CLPX: variants seen among roughly 807,000 people sequenced by gnomAD.
CLPX encodes the protein ATP-dependent clpX-like chaperone, mitochondrial.
Under a neutral mutation model 76.4 loss-of-function variants are expected in CLPX, and 34 were observed. The observed-to-expected ratio is 0.45, with a 90% CI of 0.34 to 0.59. The LOEUF (loss-of-function observed/expected upper bound fraction) is 0.59. Ranked by LOEUF, CLPX falls within the 20% of genes least tolerant of loss-of-function variation. The pLI is 0.01. For missense variants in CLPX, 613 were observed against 757.0 expected (o/e 0.81, Z 2.23); for synonymous variants, 248 against 270.9 (o/e 0.92, Z 0.83).
intron 9 of CLPX, chr15:65,156,581 C>T: frequency 2.5e-6 from 1 of 400,972 alleles, no homozygotes; most frequent in Non-Finnish European, 4.5e-6. Flanking sequence ...TTAACTGGGC[C>T]TTTGAGGAAT....
At position 65,180,170 on chromosome 15, in the gene CLPX, T is replaced by G; in HGVS notation, c.114A>C (p.Leu38Phe). 1 of 1,604,974 alleles carries G rather than the reference T, an allele frequency of 6.2e-7. No homozygotes were observed. The change falls in exon 2 of 14, where the codon TTA (leucine) becomes TTC (phenylalanine). Residue 38 changes from leucine to phenylalanine, a missense_variant. Leu to Phe is a conservative substitution (Grantham distance 22, BLOSUM62 0). Transcript: ENST00000300107. ...ISGGRIHMSV[L>F]GRLGTFETQI... ...GAGTTTCAAATGTCCCAAGCCTTCCTAAAACTGACATATGAATGCGACCAC... is the reference window on the plus strand; with the variant it reads ...GAGTTTCAAATGTCCCAAGCCTTCCGAAAACTGACATATGAATGCGACCAC...
Position 65,151,455 on chromosome 15 carries a change from A to AG in CLPX, c.1812-543dup, listed in dbSNP as rs1398382053. ...TTTCCCTGACAAATTTATTACTGGGAGAAAAAAAAAAAAAAAAAAAAAAAA... is the reference window on the plus strand; with the variant it reads ...TTTCCCTGACAAATTTATTACTGGGAGGAAAAAAAAAAAAAAAAAAAAAAAA... On this transcript the variant is annotated intron_variant, in intron 13 of 13. Coordinates refer to ENST00000300107, the MANE Select transcript of CLPX (RefSeq NM_006660.5). Among the ~76,000 whole-genome samples, 15 of 94,030 alleles carry AG rather than the reference A, an allele frequency of 1.6e-4. No individual in the cohort carries two copies. The South Asian group carries it at 6.8e-3, about 42-fold the overall frequency. 61.7% of individuals were successfully genotyped at this position (94,030 alleles called of 152,430 possible).
chr15:65,164,195 A>C lies in CLPX; in HGVS notation c.514-7T>G. The C allele has an allele frequency of 6.2e-7, 1 of 1,602,800 alleles. No homozygotes were observed. Among genetic ancestry groups the C allele is most frequent in the Non-Finnish European group, 8.5e-7 (1 of 1,172,978 alleles). On this transcript the variant is annotated splice_region_variant and splice_polypyrimidine_tract_variant and intron_variant, in intron 4 of 13. Coordinates refer to ENST00000300107, the MANE Select transcript of CLPX (RefSeq NM_006660.5). ...TGTCGAGGTAGTTATAAATCTGAAA[A>C]ATGATTAGGTATGAATAATTTAATA...
Position 65,149,636 on chromosome 15 carries a change from C to A in CLPX, c.*1187G>T. The stretch of plus-strand genomic sequence containing the variant: ...CAGCACTTTGGGAGGCTGAGGCCAG[C>A]AGATCACAAGGTCAGGAGTTACAGA... On this transcript the variant is annotated 3_prime_UTR_variant, in exon 14 of 14. Transcript: ENST00000300107. The A allele has an allele frequency of 2.3e-6, 1 of 430,552 alleles. No homozygotes were observed. Among genetic ancestry groups the A allele is most frequent in the Non-Finnish European group, 4.6e-6 (1 of 218,060 alleles). The allele number at this position is 430,552 out of a possible 1,614,324, so 26.7% of individuals were successfully genotyped here. A position where few individuals can be genotyped will look rare whatever the true frequency, so the allele number is the denominator to read the frequency against.
chr15:65,180,054 T>A lies in CLPX; in HGVS notation c.230A>T (p.Asp77Val), dbSNP rs760714024. ...KDGISKDGSG[D>V]GNKKSASEGS... ...AGATAAAATAATTACCTTATTTCCA[T>A]CTCCAGAACCATCTTTACTTATCCC... The change falls in exon 2 of 14, where the codon GAT becomes GTT. Residue 77 changes from aspartate (D) to valine (V), a missense_variant. Coordinates refer to ENST00000300107, the MANE Select transcript of CLPX (RefSeq NM_006660.5). 6.3e-7 allele frequency: 1 copy of A among 1,599,740 alleles called. No homozygotes were observed. Among genetic ancestry groups the A allele is most frequent in the Non-Finnish European group, 8.5e-7 (1 of 1,173,158 alleles).
At chr15:65,156,817 G>A (rs371881679) in intron 9 of CLPX, 27 bp downstream of exon 9, 1 of 1,479,924 alleles carries the variant, frequency 6.8e-7, no homozygotes, top group African/African-American at 1.4e-5. Flanking sequence ...CTTTTAGTGG[G>A]CTTGAACAAA....
At chr15:65,155,904 T>C (rs961595013) in intron 9 of CLPX, 48 bp from the exon 10 acceptor site, 4 of 1,463,758 alleles carry the variant, frequency 2.7e-6, no homozygotes, top group East Asian at 4.5e-5. Flanking sequence ...AAGCACATTA[T>C]TTATTATACT....
intron 8 of CLPX, 117 bp downstream of exon 8, chr15:65,157,629 T>G (rs1270452396): frequency 3.0e-6 from 3 of 1,013,216 alleles, no homozygotes; most frequent in Non-Finnish European, 2.8e-6. Flanking sequence ...ACAAAGGTAC[T>G]TTTATATAAT....
chr15:65,151,079 T>G (rs894177089), intron 13 of CLPX, among the ~76,000 whole-genome samples, 166 bp from the exon 14 acceptor site: 1 of 152,094 alleles, frequency 6.6e-6, no homozygotes, highest in Non-Finnish European at 1.5e-5. Context: ...ACACAGTGGC[T>G]CACATCTGTA....
chr15:65,153,144 T>G (rs1372957620), intron 12 of CLPX, among the ~76,000 whole-genome samples: 3 of 150,386 alleles, frequency 2.0e-5, no homozygotes, highest in Non-Finnish European at 4.4e-5. Context: ...TAATCTACTG[T>G]GACTAAAAAA....
At position 65,169,439 on chromosome 15, in the gene CLPX, C is replaced by T. The variant is rs145742507; in HGVS notation, c.359-2654G>A. 4.2e-3 allele frequency among the ~76,000 whole-genome samples: 643 copies of T among 151,608 alleles called. 7 individuals carry two copies. The highest frequency in any genetic ancestry group is 0.014 in the African/African-American group (598 of 41,416). On this transcript the variant is annotated intron_variant, in intron 3 of 13. Coordinates refer to ENST00000300107, the MANE Select transcript of CLPX (RefSeq NM_006660.5). ...TCAAAACATGGTTATAGGATGTTGG[C>T]GGGGCACAGTGGCTCACACCTGTAA...
rs777283892 is a variant in CLPX, at chr15:65,155,776, T to C, written c.1227A>G (p.Gln409=). 1.9e-6 allele frequency: 3 copies of C among 1,614,072 alleles called. No homozygotes were observed. The highest frequency in any genetic ancestry group is 2.2e-5 in the East Asian group (1 of 44,876). ...NSRKLRGETV[Q]VDTTNILFVA... is the part of the protein sequence containing the mutation. ...CAAACAGGATGTTTGTTGTATCAACTTGAACTGTTTCTCCACGGAGCTTTC... is the reference window on the plus strand; with the variant it reads ...CAAACAGGATGTTTGTTGTATCAACCTGAACTGTTTCTCCACGGAGCTTTC... Residue 409 remains glutamine (Q), a synonymous_variant, in exon 10 of 14, where the codon CAA becomes CAG. Transcript: ENST00000300107.
chr15:65,176,127 A>G (rs1179006642), intron 3 of CLPX, among the ~76,000 whole-genome samples: 2 of 152,216 alleles, frequency 1.3e-5, no homozygotes, highest in African/African-American at 2.4e-5. Flanking sequence ...TGATTACACT[A>G]AAGTAGTGTT....
intron 6 of CLPX, among the ~76,000 whole-genome samples, chr15:65,161,008 A>C (rs2087850343): frequency 1.3e-5 from 2 of 152,188 alleles, no homozygotes; most frequent in Admixed American, 1.3e-4. Flanking sequence ...CAGTTTTCTT[A>C]CTTCTAAAAT....
chr15:65,173,011 T>C (rs1050816373), intron 3 of CLPX, among the ~76,000 whole-genome samples: 4 of 152,176 alleles, frequency 2.6e-5, no homozygotes, highest in Admixed American at 1.3e-4. Context: ...CAAGACCCTG[T>C]TTCTAAAAAC....
In CLPX at chr15:65,162,409, G is replaced by A. The variant is rs118137729; in HGVS notation, c.715+195C>T. Among the ~76,000 whole-genome samples, 876 of 152,162 alleles carry A rather than the reference G, an allele frequency of 5.8e-3. 5 individuals carry two copies. The highest frequency in any genetic ancestry group is 0.014 in the Middle Eastern group (4 of 294). Reference sequence around the variant, plus strand: ...AAAAAATAACCCAACATATGGAAACGACACAAATTAGCTATGAAAAACTAT... The same window carrying A: ...AAAAAATAACCCAACATATGGAAACAACACAAATTAGCTATGAAAAACTAT... On this transcript the variant is annotated intron_variant, in intron 6 of 13. Transcript: ENST00000300107.
chr15:65,158,231 A>C, intron 7 of CLPX: 2 of 304,864 alleles, frequency 6.6e-6, no homozygotes, highest in Non-Finnish European at 1.2e-5. Context: ...TCTGTTGCCT[A>C]GGCTGGTCTC....
At chr15:65,151,520 C>T (rs1005168740) in intron 13 of CLPX, among the ~76,000 whole-genome samples, 2 of 146,406 alleles carry the variant, frequency 1.4e-5, no homozygotes, top group East Asian at 4.1e-4. Context: ...AAAAAATCCT[C>T]TTCTCCAAGA....
Position 65,164,263 on chromosome 15 carries a change from A to C in CLPX, c.514-75T>G, listed in dbSNP as rs1206907281. 1.8e-5 allele frequency: 22 copies of C among 1,205,428 alleles called. 1 individual carries two copies. Among genetic ancestry groups the C allele is most frequent in the Middle Eastern group, 2.8e-4 (1 of 3,564 alleles). 74.7% of individuals were successfully genotyped at this position (1,205,428 alleles called of 1,614,324 possible). On this transcript the variant is annotated intron_variant, in intron 4 of 13. Transcript: ENST00000300107. ...ACACACATTAAAAAGTTATTTACTAAGCATATTTGCTTACAGTTTTAAATC... is the reference window on the plus strand; with the variant it reads ...ACACACATTAAAAAGTTATTTACTACGCATATTTGCTTACAGTTTTAAATC...
Sources: allele counts gnomAD v4.1 joint callset (sites outside exome capture counted in the v4.1 genomes callset), GRCh38; gene constraint gnomAD v4.1.1; transcripts MANE v1.5; gene names NCBI Gene and HGNC (gene_info 2026-07-23, HGNC 2026-07-21).